The following ANTXR2 variants were observed in gnomAD, a reference collection of about 807,000 sequenced individuals.
ANTXR2 encodes anthrax toxin receptor 2.
A neutral mutation model predicts 73.7 loss-of-function variants in ANTXR2; 44 were observed. The ratio of observed to expected loss-of-function variants is 0.60; its 90% confidence interval spans 0.47 to 0.77. ANTXR2 has a LOEUF of 0.77. Ranked by LOEUF, ANTXR2 falls within the 30% of genes least tolerant of loss-of-function variation. The pLI, the probability that ANTXR2 is intolerant of heterozygous loss-of-function variation, is 0.00. For synonymous variants in ANTXR2, 217 were observed against 205.9 expected (o/e 1.05, Z -0.46); for missense variants, 604 against 592.5 (o/e 1.02, Z -0.20).
intron 7 of ANTXR2, among the ~76,000 whole-genome samples, chr4:80,048,170 G>T (rs1200922587): frequency 2.7e-5 from 4 of 148,116 alleles, no homozygotes; most frequent in Non-Finnish European, 4.5e-5. Context: ...AAAAATATAA[G>T]AATATTTTCA....
chr4:80,058,424 C>T (rs1406420230), intron 3 of ANTXR2, among the ~76,000 whole-genome samples: 2 of 151,990 alleles, frequency 1.3e-5, no homozygotes, highest in African/African-American at 2.4e-5. Context: ...CCAAGAAAAA[C>T]ACATGTGAGT....
rs1726729575 is a variant in ANTXR2, at chr4:79,902,120, A to C, written c.*5309T>G. On this transcript the variant is annotated 3_prime_UTR_variant, in exon 17 of 17. Coordinates refer to ENST00000403729, the MANE Select transcript of ANTXR2 (RefSeq NM_058172.6). ...AATGTACATTTTAATAACTTTAACA[A>C]TTTATTTTGGATCACCCACTGACAT... The C allele has an allele frequency of 6.6e-6, 1 of 152,082 alleles. No homozygotes were observed. The highest frequency in any genetic ancestry group is 2.4e-5 in the African/African-American group (1 of 41,438). 9.4% of individuals were successfully genotyped at this position (152,082 alleles called of 1,614,324 possible).
intron 11 of ANTXR2, among the ~76,000 whole-genome samples, chr4:80,018,079 T>A (rs1471120722): frequency 6.6e-6 from 1 of 152,126 alleles, no homozygotes; most frequent in Non-Finnish European, 1.5e-5. Context: ...AATTAGTAGA[T>A]CAAAATCAAA....
chr4:79,930,645 C>G (rs1354080002), intron 16 of ANTXR2, among the ~76,000 whole-genome samples: 1 of 152,098 alleles, frequency 6.6e-6, no homozygotes, highest in Non-Finnish European at 1.5e-5. Flanking sequence ...ATGTGTCTGT[C>G]CTCTCATTCT....
At chr4:80,002,856 A>G (rs988133572) in intron 12 of ANTXR2, among the ~76,000 whole-genome samples, 12 of 150,440 alleles carry the variant, frequency 8.0e-5, no homozygotes, top group African/African-American at 2.7e-4. Flanking sequence ...CAAAACCACA[A>G]TGAGATACCA....
intron 12 of ANTXR2, among the ~76,000 whole-genome samples, chr4:79,992,526 T>C (rs1046964459): frequency 6.6e-6 from 1 of 151,918 alleles, no homozygotes. Context: ...AAAATTCCAG[T>C]AGATTTTGGT....
intron 16 of ANTXR2, among the ~76,000 whole-genome samples, chr4:79,976,014 G>A (rs1729613900): frequency 6.7e-6 from 1 of 149,516 alleles, no homozygotes; most frequent in Non-Finnish European, 1.5e-5. Context: ...CCAGGTTCAC[G>A]CCATTCTCCT....
chr4:80,009,846 CAA>C (rs932231740), intron 11 of ANTXR2, among the ~76,000 whole-genome samples: 11 of 82,074 alleles, frequency 1.3e-4, no homozygotes, highest in Admixed American at 1.5e-4. Context: ...GACTCCATCT[CAA>C]AAAAAAAAAA....
Position 79,932,154 on chromosome 4 carries a change from T to C in ANTXR2, c.1429-24687A>G, listed in dbSNP as rs146411709. Among the ~76,000 whole-genome samples, 37 of 152,314 alleles carry C rather than the reference T, an allele frequency of 2.4e-4. No individual in the cohort carries two copies. In the East Asian group the frequency reaches 4.8e-3, roughly 20 times the overall value. ...TCTCACAGTGCCTGGTAATACATTGTCAATTAAATGAATATTAAAGAAAAT... is the reference window on the plus strand; with the variant it reads ...TCTCACAGTGCCTGGTAATACATTGCCAATTAAATGAATATTAAAGAAAAT... On this transcript the variant is annotated intron_variant, in intron 16 of 16. Transcript: ENST00000403729.
intron 2 of ANTXR2, 43 bp from the exon 3 acceptor site, chr4:80,069,550 A>T (rs116760692): frequency 0.029 from 40,935 of 1,418,854 alleles, 771 homozygotes; most frequent in Middle Eastern, 0.089. Context: ...TTTTAAAAAG[A>T]AATATTGATA....
intron 16 of ANTXR2, among the ~76,000 whole-genome samples, chr4:79,951,301 T>C (rs934696331): frequency 6.6e-6 from 1 of 152,086 alleles, no homozygotes; most frequent in Non-Finnish European, 1.5e-5. Context: ...AGGACTCTGC[T>C]GGGCGTGGTG....
intron 7 of ANTXR2, among the ~76,000 whole-genome samples, chr4:80,037,461 T>C (rs567689255): frequency 6.6e-6 from 1 of 152,280 alleles, no homozygotes; most frequent in South Asian, 2.1e-4. Flanking sequence ...CACATAGTGA[T>C]TGAGGATTTT....
intron 16 of ANTXR2, among the ~76,000 whole-genome samples, chr4:79,962,893 A>AT (rs889936588): frequency 1.1e-4 from 17 of 152,020 alleles, no homozygotes; most frequent in Admixed American, 6.6e-4. Context: ...TATTTTAATG[A>AT]TTTTTTTTAA....
intron 16 of ANTXR2, among the ~76,000 whole-genome samples, chr4:79,950,703 G>C (rs1342344730): frequency 6.6e-6 from 1 of 152,154 alleles, no homozygotes; most frequent in Non-Finnish European, 1.5e-5. Context: ...AGACCAGACT[G>C]TTCCTCAGTC....
intron 7 of ANTXR2, among the ~76,000 whole-genome samples, chr4:80,043,578 C>G (rs1733378664): frequency 6.6e-6 from 1 of 151,952 alleles, no homozygotes; most frequent in Non-Finnish European, 1.5e-5. Context: ...TTATACAGTT[C>G]AGATAAGCAA....
rs542990497 is a variant in ANTXR2, at chr4:80,071,805, G to A, written c.153-151C>T. Among the ~76,000 whole-genome samples the A allele has an allele frequency of 5.9e-5, 9 of 152,054 alleles. No homozygotes were observed. The East Asian group carries it at 1.7e-3, about 29-fold the overall frequency. ...GGGTATCTGTAGCTGAAACTTTGGT[G>A]GTACCCAGAGTTAAAGAAGTCAGTC... On this transcript the variant is annotated intron_variant, in intron 1 of 16. Transcript: ENST00000403729.
At chr4:80,049,032 G>A in intron 7 of ANTXR2, among the ~76,000 whole-genome samples, 1 of 151,616 alleles carries the variant, frequency 6.6e-6, no homozygotes, top group East Asian at 2.0e-4. Context: ...CACCTAGGAT[G>A]TAGTGTTCTC....
At chr4:79,998,231 C>T (rs1441870122) in intron 12 of ANTXR2, among the ~76,000 whole-genome samples, 2 of 151,814 alleles carry the variant, frequency 1.3e-5, no homozygotes, top group African/African-American at 4.8e-5. Context: ...ATAAAAAAGA[C>T]CATTTGTAAA....
At position 80,032,346 on chromosome 4, in the gene ANTXR2, T is replaced by G. The variant is rs192043950; in HGVS notation, c.797-654A>C. The stretch of plus-strand genomic sequence containing the variant: ...ACGTTTATTTTATAATGAACTCAAA[T>G]ATGTAATCAAAAGGAGCTAGGTGAA... On this transcript the variant is annotated intron_variant, in intron 9 of 16. Coordinates refer to ENST00000403729, the MANE Select transcript of ANTXR2 (RefSeq NM_058172.6). Among the ~76,000 whole-genome samples the G allele has an allele frequency of 1.0e-3, 153 of 151,986 alleles. 2 individuals are homozygous for G. In the East Asian group the frequency reaches 0.026, roughly 26 times the overall value.
Sources: gnomAD v4.1 joint callset for allele counts (sites outside exome capture counted in the v4.1 genomes callset) on GRCh38, gnomAD v4.1.1 for gene constraint, MANE v1.5 for transcripts, NCBI Gene and HGNC (gene_info 2026-07-23, HGNC 2026-07-21) for gene names.